MACROD2: variants seen among roughly 807,000 people sequenced by gnomAD.
MACROD2 encodes ADP-ribose glycohydrolase MACROD2.
A neutral mutation model predicts 70.4 loss-of-function variants in MACROD2; 36 were observed. That is an observed-to-expected ratio of 0.51 (90% CI 0.39 to 0.68). The LOEUF is 0.68. Ranked by LOEUF, MACROD2 falls within the 30% of genes least tolerant of loss-of-function variation. The probability of loss-of-function intolerance (pLI) is 0.00; values close to 1 mark genes in which losing one functional copy is unlikely to be tolerated. For missense variants in MACROD2, 496 were observed against 538.4 expected (o/e 0.92, Z 0.78); for synonymous variants, 172 against 178.8 (o/e 0.96, Z 0.30).
intron 6 of MACROD2, among the ~76,000 whole-genome samples, chr20:15,394,074 G>A (rs888694185): frequency 1.3e-5 from 2 of 152,182 alleles, no homozygotes; most frequent in Non-Finnish European, 2.9e-5. Context: ...ATCGTTGGAA[G>A]TGTCATACTT....
chr20:15,583,646 GTT>G (rs898873292), intron 8 of MACROD2, among the ~76,000 whole-genome samples: 2 of 149,384 alleles, frequency 1.3e-5, no homozygotes, highest in African/African-American at 5.0e-5. Context: ...TTTTGTTTTT[GTT>G]TTTTTTTCTT....
At chr20:15,453,439 G>A (rs924152469) in intron 7 of MACROD2, among the ~76,000 whole-genome samples, 1 of 151,842 alleles carries the variant, frequency 6.6e-6, no homozygotes, top group African/African-American at 2.4e-5. Context: ...TTAAAATTAT[G>A]TTTACATCAT....
At chr20:14,707,068 T>C (rs940903906) in intron 5 of MACROD2, among the ~76,000 whole-genome samples, 5 of 152,164 alleles carry the variant, frequency 3.3e-5, no homozygotes, top group African/African-American at 9.7e-5. Context: ...GTTGTCAGGA[T>C]TGAAAGAACA....
chr20:15,008,508 G>A (rs1027346701), intron 5 of MACROD2, among the ~76,000 whole-genome samples: 15 of 152,294 alleles, frequency 9.8e-5, no homozygotes, highest in African/African-American at 3.6e-4. Context: ...TAAGGAAGAG[G>A]AAAGCAAAGA....
chr20:14,493,719 C>CTTT (rs2084820124), intron 4 of MACROD2: 1 of 420,418 alleles, frequency 2.4e-6, no homozygotes, highest in East Asian at 4.2e-5. Context: ...ATACAGTACT[C>CTTT]TTGTCAAACT....
intron 15 of MACROD2, among the ~76,000 whole-genome samples, chr20:16,032,960 T>G (rs1404494616): frequency 1.3e-5 from 2 of 152,094 alleles, no homozygotes; most frequent in Non-Finnish European, 2.9e-5. Flanking sequence ...CACAATGGGT[T>G]AAAAGCCTTT....
chr20:14,296,057 A>G (rs1402784311), intron 3 of MACROD2, among the ~76,000 whole-genome samples: 1 of 151,896 alleles, frequency 6.6e-6, no homozygotes, highest in Non-Finnish European at 1.5e-5. Context: ...CCTAGCTAGA[A>G]GGACATGTAA....
chr20:14,563,952 T>G (rs1349332221), intron 4 of MACROD2, among the ~76,000 whole-genome samples: 1 of 151,864 alleles, frequency 6.6e-6, no homozygotes, highest in Non-Finnish European at 1.5e-5. Context: ...CTAACTATAC[T>G]ACAAGGTATA....
intron 5 of MACROD2, among the ~76,000 whole-genome samples, chr20:15,152,822 A>C (rs199291): frequency 6.6e-6 from 1 of 151,776 alleles, no homozygotes; most frequent in African/African-American, 2.4e-5. Context: ...TCCCTAGTCC[A>C]TGACTGGCAC....
At chr20:14,330,100 A>T (rs2082806567) in intron 3 of MACROD2, among the ~76,000 whole-genome samples, 1 of 152,040 alleles carries the variant, frequency 6.6e-6, no homozygotes, top group African/African-American at 2.4e-5. Flanking sequence ...CCTTGTAGTG[A>T]CCATTAGGAA....
chr20:14,490,921 C>G (rs770263507), intron 3 of MACROD2, among the ~76,000 whole-genome samples: 3 of 152,152 alleles, frequency 2.0e-5, no homozygotes, highest in Non-Finnish European at 4.4e-5. Context: ...AATTATCTCA[C>G]TATTATAAAA....
chr20:14,580,132 T>C (rs889641837), intron 4 of MACROD2, among the ~76,000 whole-genome samples: 23 of 152,148 alleles, frequency 1.5e-4, no homozygotes, highest in Admixed American at 1.5e-3. Flanking sequence ...ATTAAACATC[T>C]AAGTACAAAT....
intron 3 of MACROD2, among the ~76,000 whole-genome samples, chr20:14,195,681 G>T (rs1601335270): frequency 6.6e-6 from 1 of 152,096 alleles, no homozygotes; most frequent in Non-Finnish European, 1.5e-5. Flanking sequence ...ACATTGAGGG[G>T]AGCACGCCGG....
intron 6 of MACROD2, among the ~76,000 whole-genome samples, chr20:15,414,235 C>G (rs1009803129): frequency 6.6e-6 from 1 of 152,144 alleles, no homozygotes; most frequent in African/African-American, 2.4e-5. Flanking sequence ...TTTGAAGAAT[C>G]AGTAGTCTAA....
At chr20:14,495,964 C>A (rs1195161605) in intron 4 of MACROD2, among the ~76,000 whole-genome samples, 1 of 152,108 alleles carries the variant, frequency 6.6e-6, no homozygotes, top group Non-Finnish European at 1.5e-5. Context: ...TATTTATGCA[C>A]TTCTGGAGAT....
intron 3 of MACROD2, among the ~76,000 whole-genome samples, chr20:14,448,348 T>G (rs1206829601): frequency 6.6e-6 from 1 of 152,136 alleles, no homozygotes; most frequent in South Asian, 2.1e-4. Flanking sequence ...TTTCATTCGT[T>G]GGAAAGGGAA....
chr20:14,105,098 G>A (rs745565628), intron 3 of MACROD2, among the ~76,000 whole-genome samples: 1 of 152,096 alleles, frequency 6.6e-6, no homozygotes, highest in East Asian at 1.9e-4. Context: ...GAGTAAGGAG[G>A]AAGGCTGAAT....
chr20:14,853,573 A>G (rs1460658373), intron 5 of MACROD2, among the ~76,000 whole-genome samples: 1 of 152,166 alleles, frequency 6.6e-6, no homozygotes, highest in Non-Finnish European at 1.5e-5. Flanking sequence ...ATTTGCTGTC[A>G]CAACCCATTC....
At chr20:15,917,925 A>G (rs1193387282) in intron 10 of MACROD2, among the ~76,000 whole-genome samples, 2 of 152,116 alleles carry the variant, frequency 1.3e-5, no homozygotes, top group Admixed American at 6.5e-5. Context: ...GCCCCAGATA[A>G]GTAGTGCTGC....
Sources: gnomAD v4.1 joint callset for allele counts (sites outside exome capture counted in the v4.1 genomes callset) on GRCh38, gnomAD v4.1.1 for gene constraint, MANE v1.5 for transcripts, NCBI Gene and HGNC (gene_info 2026-07-23, HGNC 2026-07-21) for gene names.